Variants in DNAI4 observed in about 807,000 individuals in gnomAD.
DNAI4 encodes dynein axonemal intermediate chain 4.
In DNAI4, 85 loss-of-function variants were observed where a neutral mutation model predicts 105.8. That is an observed-to-expected ratio of 0.80 (90% confidence interval 0.67 to 0.96). The LOEUF (loss-of-function observed/expected upper bound fraction) is 0.96, where lower values mean the gene tolerates loss of function less well. DNAI4 is among the 40% of genes least tolerant of loss of function. The pLI is 0.00. For synonymous variants in DNAI4, 352 were observed against 331.5 expected (o/e 1.06, Z -0.67); for missense variants, 1,014 against 1,005.6 (o/e 1.01, Z -0.11).
In DNAI4 at chr1:66,837,531, ATTATCT is replaced by A; in HGVS notation, c.1581+173_1581+178del. Reference sequence around the variant, plus strand: ...ATTTACTGAATGAATTAATAAATGAATTATCTTTACCCTATGTCAACAAGAACAAAT... The same window carrying A: ...ATTTACTGAATGAATTAATAAATGAATTACCCTATGTCAACAAGAACAAAT... On this transcript the variant is annotated intron_variant, in intron 10 of 16. Transcript: ENST00000371026. 3 of 710,062 alleles carry A rather than the reference ATTATCT, an allele frequency of 4.2e-6. No individual in the cohort carries two copies. The South Asian group carries it at 7.8e-5, about 19-fold the overall frequency. 44.0% of individuals were successfully genotyped at this position (710,062 alleles called of 1,614,324 possible).
At chr1:66,859,321 G>A (rs995083555) in intron 7 of DNAI4, among the ~76,000 whole-genome samples, 1 of 150,224 alleles carries the variant, frequency 6.7e-6, no homozygotes, top group African/African-American at 2.5e-5. Context: ...TGGCAAGAAT[G>A]AGAAACAGGA....
At position 66,871,521 on chromosome 1, in the gene DNAI4, A is replaced by G; in HGVS notation, c.801-12T>C. The G allele has an allele frequency of 6.3e-7, 1 of 1,577,934 alleles. No individual in the cohort carries two copies. The highest frequency in any genetic ancestry group is 8.6e-7 in the Non-Finnish European group (1 of 1,164,210). Reference sequence around the variant, plus strand: ...TCTTGTTTCTCTGACTGTAAAAAATAAAGTGTATCCAACTCATTAATAAGA... The same window carrying G: ...TCTTGTTTCTCTGACTGTAAAAAATGAAGTGTATCCAACTCATTAATAAGA... On this transcript the variant is annotated splice_polypyrimidine_tract_variant and intron_variant, in intron 5 of 16. Transcript: ENST00000371026.
chr1:66,919,773 T>G (rs1650326877), intron 1 of DNAI4, among the ~76,000 whole-genome samples: 1 of 152,198 alleles, frequency 6.6e-6, no homozygotes, highest in Non-Finnish European at 1.5e-5. Context: ...GACTGACATG[T>G]GGGAATGGAA....
chr1:66,840,539 A>C lies in DNAI4; in HGVS notation c.1424T>G (p.Leu475Arg). 1 of 1,614,236 alleles carries C rather than the reference A, an allele frequency of 6.2e-7. No homozygotes were observed. ...ESTIPANLER[L>R]WSFSCDLTKG... Reference sequence around the variant, plus strand: ...GGTTAAGTCACAGGAAAAAGACCAAAGTCGTTCCAAGTTGGCGGGTATTGT... The same window carrying C: ...GGTTAAGTCACAGGAAAAAGACCAACGTCGTTCCAAGTTGGCGGGTATTGT... Residue 475 changes from leucine to arginine, a missense_variant, in exon 9 of 17, where the codon CTT (leucine) becomes CGT (arginine). Leu to Arg is a moderately radical substitution (Grantham distance 102). Coordinates refer to ENST00000371026, the MANE Select transcript of DNAI4 (RefSeq NM_024763.5).
At chr1:66,839,431 C>T (rs1646100524) in intron 9 of DNAI4, among the ~76,000 whole-genome samples, 1 of 152,092 alleles carries the variant, frequency 6.6e-6, no homozygotes, top group Admixed American at 6.5e-5. Context: ...TGATTATAGA[C>T]TTTCTGTTTT....
intron 4 of DNAI4, among the ~76,000 whole-genome samples, chr1:66,885,232 T>C (rs563043469): frequency 1.7e-4 from 26 of 152,344 alleles, no homozygotes; most frequent in Middle Eastern, 3.4e-3. Context: ...TTTGGATTTG[T>C]TGAAGTATGT....
chr1:66,823,412 A>G (rs1036815248), intron 15 of DNAI4, among the ~76,000 whole-genome samples: 39 of 152,126 alleles, frequency 2.6e-4, no homozygotes, highest in Non-Finnish European at 4.9e-4. Context: ...ATAGTCCTTT[A>G]GGTATATACC....
chr1:66,911,058 C>A (rs1311960571), intron 1 of DNAI4, among the ~76,000 whole-genome samples: 4 of 152,122 alleles, frequency 2.6e-5, no homozygotes, highest in African/African-American at 7.2e-5. Flanking sequence ...GAGCTCAGTC[C>A]CATAAGACTA....
At chr1:66,836,291 A>G (rs914829864) in intron 10 of DNAI4, among the ~76,000 whole-genome samples, 1 of 150,684 alleles carries the variant, frequency 6.6e-6, no homozygotes, top group African/African-American at 2.4e-5. Flanking sequence ...AAAGAAAGAA[A>G]GAAAGAAAGA....
intron 1 of DNAI4, among the ~76,000 whole-genome samples, chr1:66,915,257 T>A (rs1240917054): frequency 2.6e-5 from 4 of 152,154 alleles, no homozygotes; most frequent in Non-Finnish European, 5.9e-5. Flanking sequence ...AATAAGGAGG[T>A]TTGTTTTGGG....
chr1:66,892,431 G>A (rs991561015), intron 3 of DNAI4, among the ~76,000 whole-genome samples: 1 of 152,202 alleles, frequency 6.6e-6, no homozygotes, highest in East Asian at 1.9e-4. Context: ...GAAGAAAAAT[G>A]TCTAATGAGA....
intron 5 of DNAI4, among the ~76,000 whole-genome samples, chr1:66,873,701 T>G (rs1420133016): frequency 6.6e-6 from 1 of 152,176 alleles, no homozygotes; most frequent in Non-Finnish European, 1.5e-5. Flanking sequence ...CACAAGAATC[T>G]CTCTTTCAGC....
At chr1:66,848,263 C>A in intron 7 of DNAI4, 1 of 456,152 alleles carries the variant, frequency 2.2e-6, no homozygotes, top group South Asian at 1.5e-5. Flanking sequence ...ACATTGATTG[C>A]ATTCCCGCTG....
rs962890515 is a variant in DNAI4 at position 66,813,177 on chromosome 1, G to C, written c.*953C>G. The C allele has an allele frequency of 6.6e-6, 1 of 152,212 alleles. No individual in the cohort carries two copies. The highest frequency in any genetic ancestry group is 1.9e-4 in the East Asian group (1 of 5,332). 9.4% of individuals were successfully genotyped at this position (152,212 alleles called of 1,614,324 possible). Reference sequence around the variant, plus strand: ...TATATACATATTTTTTTTCCAGAGAGTTTAGTGAATTTCATATGCCCTATC... The same window carrying C: ...TATATACATATTTTTTTTCCAGAGACTTTAGTGAATTTCATATGCCCTATC... On this transcript the variant is annotated 3_prime_UTR_variant, in exon 17 of 17. Transcript: ENST00000371026.
At chr1:66,893,087 A>AAGAAAGAAAGAC (rs1647955161) in intron 3 of DNAI4, 142 bp downstream of exon 3, 1 of 404,350 alleles carries the variant, frequency 2.5e-6, no homozygotes, top group African/African-American at 2.2e-5. Flanking sequence ...GAAAGAAAGA[A>AAGAAAGAAAGAC]AGAAAGAAAG....
intron 4 of DNAI4, among the ~76,000 whole-genome samples, chr1:66,882,221 G>A (rs2991354): frequency 1.3e-5 from 2 of 152,000 alleles, no homozygotes; most frequent in Admixed American, 6.5e-5. Context: ...ATAAAAGTCC[G>A]TTATGATCTA....
At chr1:66,897,179 G>A (rs1455744107) in intron 2 of DNAI4, among the ~76,000 whole-genome samples, 1 of 152,202 alleles carries the variant, frequency 6.6e-6, no homozygotes, top group African/African-American at 2.4e-5. Flanking sequence ...GGCTGTCTTT[G>A]TTATAAAGTA....
intron 8 of DNAI4, 78 bp from the exon 9 acceptor site, chr1:66,840,749 A>G (rs1163127167): frequency 5.5e-6 from 8 of 1,443,352 alleles, no homozygotes; most frequent in Non-Finnish European, 7.7e-6. Context: ...CAGCATATCT[A>G]CCCACCACTG....
At chr1:66,908,509 G>T (rs1296612487) in intron 1 of DNAI4, among the ~76,000 whole-genome samples, 3 of 152,216 alleles carry the variant, frequency 2.0e-5, no homozygotes, top group African/African-American at 7.2e-5. Context: ...AGTTGTCTAT[G>T]CTGCTTCACT....
Sources: allele counts gnomAD v4.1 joint callset (sites outside exome capture counted in the v4.1 genomes callset), GRCh38; gene constraint gnomAD v4.1.1; transcripts MANE v1.5; gene names NCBI Gene and HGNC (gene_info 2026-07-23, HGNC 2026-07-21).